CREB5: variants seen among roughly 807,000 people sequenced by gnomAD.
The protein encoded by CREB5 is cAMP responsive element binding protein 5, also known as cyclic AMP-responsive element-binding protein 5.
In CREB5, 19 loss-of-function variants were observed where a neutral mutation model predicts 57.1. The ratio of observed to expected loss-of-function variants is 0.33; its 90% CI spans 0.23 to 0.49. The LOEUF is 0.49. Ranked by LOEUF, CREB5 falls within the 20% of genes least tolerant of loss-of-function variation. The pLI is 0.99. For missense variants in CREB5, 579 were observed against 671.6 expected, an observed-to-expected ratio of 0.86 and a Z score of 1.52; for synonymous variants, 238 against 238.3, an observed-to-expected ratio of 1.00 and a Z score of 0.01.
intron 1 of CREB5, among the ~76,000 whole-genome samples, chr7:28,342,302 T>C (rs1208515625): frequency 6.6e-6 from 1 of 152,190 alleles, no homozygotes; most frequent in African/African-American, 2.4e-5. Context: ...AGATGAGGGT[T>C]AGTAGGAAGA....
At chr7:28,457,890 A>C (rs999581641) in intron 1 of CREB5, among the ~76,000 whole-genome samples, 4 of 152,194 alleles carry the variant, frequency 2.6e-5, no homozygotes, top group Non-Finnish European at 5.9e-5. Context: ...ATGGGAGCCC[A>C]ACATGAGGAG....
chr7:28,485,933 T>C (rs1791525536), intron 1 of CREB5, among the ~76,000 whole-genome samples: 1 of 151,998 alleles, frequency 6.6e-6, no homozygotes, highest in South Asian at 2.1e-4. Context: ...AACAGTGAAA[T>C]GTGAGAAGTT....
chr7:28,642,797 C>T (rs112400572), intron 5 of CREB5, among the ~76,000 whole-genome samples: 2 of 152,016 alleles, frequency 1.3e-5, no homozygotes, highest in Admixed American at 6.6e-5. Context: ...TTTTTGCATG[C>T]GATCAGAGTA....
rs552818039 is a variant in CREB5, at chr7:28,519,842, A to G, written c.291+12105A>G. Among the ~76,000 whole-genome samples the G allele has an allele frequency of 2.0e-5, 3 of 152,320 alleles. No homozygotes were observed. The South Asian group carries it at 6.2e-4, about 32-fold the overall frequency. On this transcript the variant is annotated intron_variant, in intron 4 of 10. Coordinates refer to ENST00000357727, the MANE Select transcript of CREB5 (RefSeq NM_182898.4). Reference sequence around the variant, plus strand: ...TTACATTTTGCTCTTCTTAAATTTGATTGCTTTTTGGCAAAATCTCAGGAT... The same window carrying G: ...TTACATTTTGCTCTTCTTAAATTTGGTTGCTTTTTGGCAAAATCTCAGGAT...
At chr7:28,515,771 C>T (rs542111669) in intron 4 of CREB5, among the ~76,000 whole-genome samples, 20 of 152,026 alleles carry the variant, frequency 1.3e-4, no homozygotes, top group Middle Eastern at 6.8e-3. Flanking sequence ...GTTATTGCTG[C>T]GAATTCTAAG....
chr7:28,662,149 A>G (rs562040686), intron 5 of CREB5, among the ~76,000 whole-genome samples: 2 of 152,304 alleles, frequency 1.3e-5, no homozygotes, highest in East Asian at 3.9e-4. Flanking sequence ...AGAGTAGACA[A>G]AAAAGGAGCA....
intron 4 of CREB5, among the ~76,000 whole-genome samples, chr7:28,528,314 T>C (rs1188155351): frequency 6.6e-6 from 1 of 152,252 alleles, no homozygotes; most frequent in Non-Finnish European, 1.5e-5. Flanking sequence ...TATTTCATGA[T>C]GAAAGGATAG....
At chr7:28,322,202 T>C (rs1410713505) in intron 1 of CREB5, among the ~76,000 whole-genome samples, 2 of 152,150 alleles carry the variant, frequency 1.3e-5, no homozygotes, top group African/African-American at 2.4e-5. Flanking sequence ...TGAGGAACAA[T>C]TGGCTCCTTG....
intron 1 of CREB5, among the ~76,000 whole-genome samples, chr7:28,357,906 T>C (rs953683964): frequency 1.3e-5 from 2 of 152,102 alleles, no homozygotes; most frequent in Admixed American, 1.3e-4. Context: ...TTTGGGGTGT[T>C]ATGGGTGGTG....
chr7:28,670,578 A>T (rs1469219248), intron 5 of CREB5, among the ~76,000 whole-genome samples: 1 of 152,252 alleles, frequency 6.6e-6, no homozygotes, highest in African/African-American at 2.4e-5. Context: ...AACATATTTC[A>T]TCTATGACTA....
intron 5 of CREB5, among the ~76,000 whole-genome samples, chr7:28,578,348 G>A (rs575346297): frequency 6.6e-6 from 1 of 152,338 alleles, no homozygotes; most frequent in African/African-American, 2.4e-5. Context: ...GTGGTGTTTA[G>A]AGAGAGTCCC....
intron 7 of CREB5, among the ~76,000 whole-genome samples, chr7:28,757,666 C>T (rs531625554): frequency 2.0e-5 from 3 of 146,598 alleles, no homozygotes; most frequent in South Asian, 2.2e-4. Context: ...AGCAAGACTC[C>T]GTCTCAAAAA....
chr7:28,518,566 C>A (rs1279750001), intron 4 of CREB5, among the ~76,000 whole-genome samples: 1 of 152,190 alleles, frequency 6.6e-6, no homozygotes, highest in Non-Finnish European at 1.5e-5. Context: ...GAGCAACAAG[C>A]CTTTGGATAA....
chr7:28,495,069 T>C (rs1791974374), intron 3 of CREB5, 70 bp downstream of exon 3: 1 of 1,076,644 alleles, frequency 9.3e-7, no homozygotes. Context: ...TGTTCTTCTT[T>C]TGGTAGGCGA....
intron 5 of CREB5, among the ~76,000 whole-genome samples, chr7:28,592,268 A>T (rs1291119110): frequency 6.6e-6 from 1 of 152,238 alleles, no homozygotes; most frequent in Non-Finnish European, 1.5e-5. Context: ...CAAATAACAC[A>T]AAACCAGAGC....
chr7:28,326,201 CTATCTAT>C (rs1562657904), intron 1 of CREB5, among the ~76,000 whole-genome samples: 21 of 132,004 alleles, frequency 1.6e-4, no homozygotes, highest in African/African-American at 3.9e-4. Context: ...ATCTATCTAT[CTATCTAT>C]CTACCTATCT....
intron 1 of CREB5, among the ~76,000 whole-genome samples, chr7:28,342,331 C>T (rs1785953165): frequency 6.6e-6 from 1 of 152,140 alleles, no homozygotes; most frequent in South Asian, 2.1e-4. Context: ...GTACAGAAGC[C>T]CCCTTTTTCC....
intron 1 of CREB5, among the ~76,000 whole-genome samples, chr7:28,473,718 C>T (rs953651220): frequency 9.2e-5 from 14 of 152,288 alleles, no homozygotes; most frequent in African/African-American, 3.1e-4. Context: ...CAGCCAAGCC[C>T]GGGCAGGGAT....
At chr7:28,720,768 C>T (rs912811181) in intron 6 of CREB5, among the ~76,000 whole-genome samples, 3 of 152,180 alleles carry the variant, frequency 2.0e-5, no homozygotes, top group East Asian at 1.9e-4. Flanking sequence ...CAACCAACTA[C>T]GTGAAGACTT....
Sources: allele counts gnomAD v4.1 joint callset (sites outside exome capture counted in the v4.1 genomes callset), GRCh38; gene constraint gnomAD v4.1.1; transcripts MANE v1.5; gene names NCBI Gene and HGNC (gene_info 2026-07-23, HGNC 2026-07-21).